The following FAT3 variants were observed in gnomAD, a reference collection of about 807,000 sequenced individuals.
The protein encoded by FAT3 is FAT atypical cadherin 3.
A neutral mutation model predicts 310.2 loss-of-function variants in FAT3; 95 were observed. That is an observed-to-expected ratio of 0.31 (90% CI 0.26 to 0.36). The LOEUF (loss-of-function observed/expected upper bound fraction) is 0.36. Among genes scored for constraint, FAT3 ranks in the 10% least tolerant of loss-of-function variants. The probability of loss-of-function intolerance (pLI) is 1.00; values close to 1 mark genes in which losing one functional copy is unlikely to be tolerated. For missense variants in FAT3, 5,408 were observed against 5,715.6 expected, an observed-to-expected ratio of 0.95 and a Z score of 1.74; for synonymous variants, 2,314 against 2,192.9, an observed-to-expected ratio of 1.06 and a Z score of -1.54.
intron 1 of FAT3, among the ~76,000 whole-genome samples, chr11:92,319,600 T>C (rs1054034165): frequency 1.3e-5 from 2 of 152,190 alleles, no homozygotes; most frequent in African/African-American, 4.8e-5. Context: ...GTGTTGCTGA[T>C]AGAAAAATGG....
At chr11:92,490,795 C>A (rs1952577750) in intron 2 of FAT3, among the ~76,000 whole-genome samples, 1 of 152,052 alleles carries the variant, frequency 6.6e-6, no homozygotes, top group African/African-American at 2.4e-5. Context: ...TTAGCCTGTT[C>A]CCAGTCTTCT....
At chr11:92,475,899 G>A (rs1437894529) in intron 2 of FAT3, among the ~76,000 whole-genome samples, 1 of 152,144 alleles carries the variant, frequency 6.6e-6, no homozygotes, top group African/African-American at 2.4e-5. Flanking sequence ...TATGGAGAGA[G>A]CAGGTCATAA....
intron 7 of FAT3, among the ~76,000 whole-genome samples, chr11:92,782,840 T>C (rs2136137422): frequency 6.6e-6 from 1 of 152,310 alleles, no homozygotes; most frequent in South Asian, 2.1e-4. Flanking sequence ...TGTTTGGAGT[T>C]TCTAATTGGC....
At chr11:92,308,411 A>T (rs901321028) in intron 1 of FAT3, among the ~76,000 whole-genome samples, 1 of 152,188 alleles carries the variant, frequency 6.6e-6, no homozygotes, top group Non-Finnish European at 1.5e-5. Flanking sequence ...ACTGCTTTGG[A>T]TGTTGTTTTA....
chr11:92,561,875 C>G (rs1415112932), intron 3 of FAT3, among the ~76,000 whole-genome samples: 1 of 152,180 alleles, frequency 6.6e-6, no homozygotes, highest in African/African-American at 2.4e-5. Flanking sequence ...ATCCACCCAT[C>G]TCAGCCTCCC....
chr11:92,441,726 C>T (rs1194898309), intron 2 of FAT3, among the ~76,000 whole-genome samples: 1 of 152,134 alleles, frequency 6.6e-6, no homozygotes, highest in African/African-American at 2.4e-5. Context: ...TTCTGTCTTT[C>T]TCTCAACCAA....
chr11:92,261,030 AT>A lies in FAT3; in HGVS notation c.-18+35858del, dbSNP rs1565186018. ...TGATAGTTTATTATAGGGCAGAGTTATTGAAAGAGAAAGAATTGTATCATTT... is the reference window on the plus strand; with the variant it reads ...TGATAGTTTATTATAGGGCAGAGTTATGAAAGAGAAAGAATTGTATCATTT... On this transcript the variant is annotated intron_variant, in intron 1 of 27. Coordinates refer to ENST00000525166, the MANE Select transcript of FAT3 (RefSeq NM_001367949.2). 2.0e-5 allele frequency among the ~76,000 whole-genome samples: 3 copies of A among 152,094 alleles called. No individual in the cohort carries two copies. In the South Asian group the frequency reaches 6.2e-4, roughly 32 times the overall value.
At chr11:92,592,636 G>A (rs1939498879) in intron 3 of FAT3, among the ~76,000 whole-genome samples, 2 of 151,906 alleles carry the variant, frequency 1.3e-5, no homozygotes, top group African/African-American at 4.8e-5. Context: ...GTCTTTTTAG[G>A]AGTATAAATC....
At chr11:92,841,103 A>G (rs183280398) in intron 18 of FAT3, among the ~76,000 whole-genome samples, 4 of 152,272 alleles carry the variant, frequency 2.6e-5, no homozygotes, top group Admixed American at 2.0e-4. Context: ...AATCCCTGTC[A>G]TAAGGGGACT....
rs533979878 is a variant in FAT3 at position 92,336,341 on chromosome 11, G to A, written c.-17-15755G>A. The A allele has an allele frequency of 5.1e-4, 212 of 415,924 alleles. 4 individuals are homozygous for A. Among genetic ancestry groups the A allele is most frequent in the South Asian group, 3.7e-3 (189 of 50,900 alleles). The allele number at this position is 415,924 out of a possible 1,614,324, so 25.8% of individuals were successfully genotyped here. On this transcript the variant is annotated intron_variant, in intron 1 of 27. Transcript: ENST00000525166. ...GATCTGGGTCCTCCTGCCAATGTAC[G>A]GTCAGTTCCGGGGGCTGTTTTCCCA...
In FAT3 at chr11:92,894,159, T is replaced by C. The variant is rs1165482859; in HGVS notation, c.*3046T>C. 1 of 152,234 alleles carries C rather than the reference T, an allele frequency of 6.6e-6. No individual in the cohort carries two copies. The highest frequency in any genetic ancestry group is 1.5e-5 in the Non-Finnish European group (1 of 68,036). The allele number at this position is 152,234 out of a possible 1,614,324, so 9.4% of individuals were successfully genotyped here. A position where few individuals can be genotyped will look rare whatever the true frequency, so the allele number is the denominator to read the frequency against. The stretch of plus-strand genomic sequence containing the variant: ...GGAGAATATTTTTCTGAAAGCCTCA[T>C]GATCTTATGTTTCCTTGCAGTCCCC... On this transcript the variant is annotated 3_prime_UTR_variant, in exon 28 of 28. Coordinates refer to ENST00000525166, the MANE Select transcript of FAT3 (RefSeq NM_001367949.2).
At chr11:92,781,170 G>A (rs1346945331) in intron 7 of FAT3, among the ~76,000 whole-genome samples, 2 of 149,534 alleles carry the variant, frequency 1.3e-5, no homozygotes, top group Admixed American at 1.3e-4. Context: ...CACCTCCCAG[G>A]TTCAAGCAAT....
chr11:92,430,681 C>T (rs1950746120), intron 2 of FAT3, among the ~76,000 whole-genome samples: 1 of 152,050 alleles, frequency 6.6e-6, no homozygotes, highest in African/African-American at 2.4e-5. Flanking sequence ...CTACAACAGG[C>T]CCTGGTGTGT....
intron 20 of FAT3, 131 bp downstream of exon 20, chr11:92,857,479 AC>A: frequency 1.7e-6 from 2 of 1,188,682 alleles, no homozygotes; most frequent in Non-Finnish European, 1.2e-6. Flanking sequence ...TTTAGAATGG[AC>A]CACAGCTAAC....
At chr11:92,608,401 A>C (rs1322028609) in intron 3 of FAT3, among the ~76,000 whole-genome samples, 3 of 152,106 alleles carry the variant, frequency 2.0e-5, no homozygotes, top group Non-Finnish European at 4.4e-5. Flanking sequence ...GTTACTTTTC[A>C]ACCTTGTGTT....
chr11:92,401,026 C>G lies in FAT3; in HGVS notation c.3292+45622C>G, dbSNP rs561247340. Among the ~76,000 whole-genome samples the G allele has an allele frequency of 2.0e-5, 3 of 152,058 alleles. No homozygotes were observed. The South Asian group carries it at 6.2e-4, about 32-fold the overall frequency. On this transcript the variant is annotated intron_variant, in intron 2 of 27. Transcript: ENST00000525166. Reference sequence around the variant, plus strand: ...AAAGAAGGAGACACCTTGTTTCAACCGTGACATATATAGAGTTTGGAAGTC... The same window carrying G: ...AAAGAAGGAGACACCTTGTTTCAACGGTGACATATATAGAGTTTGGAAGTC...
At chr11:92,716,124 G>A (rs564979235) in intron 4 of FAT3, among the ~76,000 whole-genome samples, 1 of 152,288 alleles carries the variant, frequency 6.6e-6, no homozygotes, top group South Asian at 2.1e-4. Context: ...GCAGATCGAG[G>A]TGTGAGGGGA....
At chr11:92,760,017 C>G (rs1451852366) in intron 4 of FAT3, among the ~76,000 whole-genome samples, 1 of 152,138 alleles carries the variant, frequency 6.6e-6, no homozygotes, top group Non-Finnish European at 1.5e-5. Flanking sequence ...TTGGTCAACA[C>G]AGGTCACCTG....
At chr11:92,534,725 GA>G (rs1441803475) in intron 3 of FAT3, among the ~76,000 whole-genome samples, 2 of 152,128 alleles carry the variant, frequency 1.3e-5, no homozygotes, top group Admixed American at 1.3e-4. Flanking sequence ...AACGTGCAGA[GA>G]AAAAGTAACA....
Sources: allele counts gnomAD v4.1 joint callset (sites outside exome capture counted in the v4.1 genomes callset), GRCh38; gene constraint gnomAD v4.1.1; transcripts MANE v1.5; gene names NCBI Gene and HGNC (gene_info 2026-07-23, HGNC 2026-07-21).